Variants in ARHGAP26 observed in about 807,000 individuals in gnomAD.
ARHGAP26 encodes the protein rho GTPase-activating protein 26.
ARHGAP26 carries 38 observed loss-of-function variants against 104.8 expected under a neutral mutation model. The ratio of observed to expected loss-of-function variants is 0.36; its 90% CI spans 0.28 to 0.48. The LOEUF is 0.48. Among genes scored for constraint, ARHGAP26 ranks in the 20% least tolerant of loss-of-function variants. The pLI is 0.99. For missense variants in ARHGAP26, 704 were observed against 947.9 expected (o/e 0.74, Z 3.38); for synonymous variants, 341 against 340.0 (o/e 1.00, Z -0.03).
chr5:143,118,567 T>TC (rs1196469515), intron 17 of ARHGAP26, among the ~76,000 whole-genome samples: 1 of 152,126 alleles, frequency 6.6e-6, no homozygotes, highest in Non-Finnish European at 1.5e-5. Context: ...GACCAGGAGT[T>TC]CAAGACCAGC....
rs770251969 is a variant in ARHGAP26 at position 142,873,401 on chromosome 5, T to C, written c.156T>C (p.Asn52=). The C allele has an allele frequency of 6.3e-7, 1 of 1,591,232 alleles. No individual in the cohort carries two copies. The highest frequency in any genetic ancestry group is 1.2e-5 in the South Asian group (1 of 85,950). ...DGKSLISALK[N]LSSAKRKFAD... is the part of the protein sequence containing the mutation. The stretch of plus-strand genomic sequence containing the variant: ...TTTTTCCTGTCTTTTTCTTGCTAGA[T>C]TTGTCTTCAGCGAAGCGGAAGTTTG... Residue 52 remains asparagine (N), a splice_region_variant and synonymous_variant, in exon 2 of 23, where the codon AAT becomes AAC. Transcript: ENST00000645722.
At chr5:143,032,192 G>C (rs1377609901) in intron 12 of ARHGAP26, among the ~76,000 whole-genome samples, 5 of 152,206 alleles carry the variant, frequency 3.3e-5, no homozygotes, top group Non-Finnish European at 5.9e-5. Flanking sequence ...AGGCCAACCT[G>C]GATATTTGGT....
chr5:142,995,218 G>C (rs1014851911), intron 11 of ARHGAP26, among the ~76,000 whole-genome samples: 1 of 152,286 alleles, frequency 6.6e-6, no homozygotes, highest in East Asian at 1.9e-4. Context: ...TATCACTAGC[G>C]TGAACAGGCA....
At chr5:143,172,475 G>A (rs796289130) in intron 20 of ARHGAP26, among the ~76,000 whole-genome samples, 7 of 152,280 alleles carry the variant, frequency 4.6e-5, no homozygotes, top group African/African-American at 1.4e-4. Context: ...TTCAAAAAAA[G>A]CATGCCAGTT....
chr5:143,164,019 G>A (rs1206467097), intron 20 of ARHGAP26, among the ~76,000 whole-genome samples: 1 of 150,258 alleles, frequency 6.7e-6, no homozygotes, highest in Admixed American at 6.6e-5. Flanking sequence ...TGCAACAAGA[G>A]ACTTTATCTT....
chr5:142,808,532 G>T (rs1489289813), intron 1 of ARHGAP26, among the ~76,000 whole-genome samples: 2 of 151,604 alleles, frequency 1.3e-5, no homozygotes, highest in Non-Finnish European at 2.9e-5. Context: ...TTGGTAACAC[G>T]GAGTCACCAA....
chr5:142,943,644 C>G (rs966035563), intron 11 of ARHGAP26, among the ~76,000 whole-genome samples: 17 of 152,128 alleles, frequency 1.1e-4, no homozygotes, highest in African/African-American at 3.9e-4. Flanking sequence ...GACCATAATG[C>G]CCACCTACCT....
At chr5:143,110,775 A>G (rs916426680) in intron 17 of ARHGAP26, among the ~76,000 whole-genome samples, 1 of 152,256 alleles carries the variant, frequency 6.6e-6, no homozygotes, top group African/African-American at 2.4e-5. Flanking sequence ...AGGCTTTCTG[A>G]GTCAGCTTCT....
chr5:143,134,247 A>C, intron 19 of ARHGAP26, 142 bp downstream of exon 19: 2 of 997,628 alleles, frequency 2.0e-6, no homozygotes, highest in Non-Finnish European at 2.7e-6. Context: ...GTGCCCTCCC[A>C]AGTGCCTTTG....
At chr5:143,204,157 G>C (rs1808203242) in intron 20 of ARHGAP26, among the ~76,000 whole-genome samples, 1 of 151,792 alleles carries the variant, frequency 6.6e-6, no homozygotes, top group Admixed American at 6.6e-5. Flanking sequence ...TTAAAATGCA[G>C]TCACTTTATA....
At chr5:143,010,892 G>A (rs2152809066) in intron 11 of ARHGAP26, 1 of 152,342 alleles carries the variant, frequency 6.6e-6, no homozygotes, top group East Asian at 1.9e-4. Flanking sequence ...TAGGAGAAAT[G>A]CAGGGATCAA....
chr5:143,147,145 T>A (rs529757573), intron 19 of ARHGAP26, 86 bp from the exon 20 acceptor site: 1 of 1,432,896 alleles, frequency 7.0e-7, no homozygotes, highest in East Asian at 2.3e-5. Context: ...GATCCAGTCT[T>A]ATTCTTTATA....
At chr5:142,913,862 T>C (rs147880261) in intron 10 of ARHGAP26, among the ~76,000 whole-genome samples, 6 of 152,344 alleles carry the variant, frequency 3.9e-5, no homozygotes, top group Admixed American at 6.5e-5. Context: ...TCGAGATTTA[T>C]AGAGTCTCTC....
chr5:142,960,584 C>T (rs1344348899), intron 11 of ARHGAP26, among the ~76,000 whole-genome samples: 3 of 152,220 alleles, frequency 2.0e-5, no homozygotes, highest in African/African-American at 7.2e-5. Context: ...TTTCAGGCAT[C>T]TACTGGCGTC....
intron 11 of ARHGAP26, among the ~76,000 whole-genome samples, chr5:142,952,296 T>C (rs892607243): frequency 1.3e-5 from 2 of 152,206 alleles, no homozygotes; most frequent in African/African-American, 4.8e-5. Flanking sequence ...ATGGGTGTCA[T>C]ATGCCATCTT....
chr5:143,220,171 T>C (rs953056161), intron 22 of ARHGAP26, among the ~76,000 whole-genome samples: 7 of 152,104 alleles, frequency 4.6e-5, no homozygotes, highest in African/African-American at 1.4e-4. Context: ...GAGGGCCTGG[T>C]TTTTGTTTTT....
intron 20 of ARHGAP26, among the ~76,000 whole-genome samples, chr5:143,153,655 T>C (rs1038319330): frequency 1.3e-5 from 2 of 152,228 alleles, no homozygotes; most frequent in Non-Finnish European, 2.9e-5. Context: ...CTAGGAGGGC[T>C]GGGATGATTA....
At chr5:143,091,001 A>G (rs1406843589) in intron 17 of ARHGAP26, among the ~76,000 whole-genome samples, 2 of 152,246 alleles carry the variant, frequency 1.3e-5, no homozygotes, top group Admixed American at 6.5e-5. Flanking sequence ...ATTAAATGCA[A>G]TAGTTTGAGG....
chr5:142,991,280 T>A (rs1337936888), intron 11 of ARHGAP26, among the ~76,000 whole-genome samples: 6 of 152,202 alleles, frequency 3.9e-5, no homozygotes, highest in African/African-American at 1.2e-4. Flanking sequence ...GGATATAATC[T>A]CCTGGTGTGC....
Sources: gnomAD v4.1 joint callset for allele counts (sites outside exome capture counted in the v4.1 genomes callset) on GRCh38, gnomAD v4.1.1 for gene constraint, MANE v1.5 for transcripts, NCBI Gene and HGNC (gene_info 2026-07-23, HGNC 2026-07-21) for gene names.